Variants in CAMK1 observed in about 807,000 individuals in gnomAD.
The protein encoded by CAMK1 is calcium/calmodulin dependent protein kinase I, also known as calcium/calmodulin-dependent protein kinase type 1.
Under a neutral mutation model 49.1 loss-of-function variants are expected in CAMK1, and 39 were observed. The ratio of observed to expected loss-of-function variants is 0.79; its 90% CI spans 0.62 to 1.04. The LOEUF (loss-of-function observed/expected upper bound fraction) is 1.04. Ranked by LOEUF, CAMK1 falls within the 50% of genes least tolerant of loss-of-function variation. CAMK1 has a pLI of 0.00. For synonymous variants in CAMK1, 192 were observed against 185.2 expected (o/e 1.04, Z -0.30); for missense variants, 457 against 472.2 (o/e 0.97, Z 0.30).
chr3:9,763,416 A>C lies in CAMK1; in HGVS notation c.216-203T>G, dbSNP rs916658115. 335 of 199,686 alleles carry C rather than the reference A, an allele frequency of 1.7e-3. 1 individual carries two copies. Among genetic ancestry groups the C allele is most frequent in the Non-Finnish European group, 2.6e-3 (288 of 111,714 alleles). 12.4% of individuals were successfully genotyped at this position (199,686 alleles called of 1,614,324 possible). ...AAGACCCTGTCTCAAAAAAAAAAAA[A>C]AAAAAACAGCGGTTTAGAGCTCAGG... On this transcript the variant is annotated intron_variant, in intron 3 of 11. Coordinates refer to ENST00000256460, the MANE Select transcript of CAMK1 (RefSeq NM_003656.5).
Position 9,757,934 on chromosome 3 carries a change from A to G in CAMK1, c.913-88T>C. The G allele has an allele frequency of 6.6e-7, 1 of 1,514,014 alleles. No homozygotes were observed. The highest frequency in any genetic ancestry group is 2.3e-5 in the East Asian group (1 of 43,834). 93.8% of individuals were successfully genotyped at this position (1,514,014 alleles called of 1,614,324 possible). The stretch of plus-strand genomic sequence containing the variant: ...GCAGGGGCGCAGTGGGATTCTTGCA[A>G]TTGTTCTGTTATTTTCATTCAGGAG... On this transcript the variant is annotated intron_variant, in intron 10 of 11. Coordinates refer to ENST00000256460, the MANE Select transcript of CAMK1 (RefSeq NM_003656.5). This position sits in a 1 kb window ranked among gnomAD's most constrained non-coding sequence, Gnocchi z 4.5.
intron 7 of CAMK1, chr3:9,761,192 G>C (rs1211731419): frequency 7.2e-6 from 3 of 417,854 alleles, no homozygotes; most frequent in Non-Finnish European, 1.3e-5. Context: ...CTTGTTGATT[G>C]TCTGTCTTCC....
Position 9,759,585 on chromosome 3 carries a change from G to T in CAMK1, c.825-10C>A, listed in dbSNP as rs774836718. ...TGTATCTCCTGCAATCCTAGGATGGGGTTATGTGGTGGGTTGCCTATGAGG... is the reference window on the plus strand; with the variant it reads ...TGTATCTCCTGCAATCCTAGGATGGTGTTATGTGGTGGGTTGCCTATGAGG... On this transcript the variant is annotated splice_polypyrimidine_tract_variant and intron_variant, in intron 9 of 11. Transcript: ENST00000256460. The T allele has an allele frequency of 1.2e-6, 2 of 1,614,174 alleles. No homozygotes were observed. The highest frequency in any genetic ancestry group is 4.5e-5 in the East Asian group (2 of 44,884).
chr3:9,767,694 A>T lies in CAMK1; in HGVS notation c.56T>A (p.Ile19Asn), dbSNP rs1051580403. ...RWKQAEDIRDIYDFRDVLGTG... is the reference protein window; with the variant it reads ...RWKQAEDIRDNYDFRDVLGTG... ...GCCCAGAACATCTCGGAAGTCGTAG[A>T]TGTCTCTAATGTCCTCCGCCTGCTT... is the stretch of plus-strand genomic sequence containing the variant. The change falls in exon 2 of 12, where the codon ATC becomes AAC. Residue 19 changes from isoleucine to asparagine, a missense_variant. Coordinates refer to ENST00000256460, the MANE Select transcript of CAMK1 (RefSeq NM_003656.5). 3.7e-6 allele frequency: 6 copies of T among 1,613,946 alleles called. No homozygotes were observed. The Admixed American group carries it at 8.3e-5, about 22-fold the overall frequency.
At position 9,766,308 on chromosome 3, in the gene CAMK1, A is replaced by G. The variant is rs145709982; in HGVS notation, c.84-418T>C. ...ATTATGTGGCCCTCTGGATCCAGCC[A>G]TGCCTGAGGTCTACCCCTGGGCTTT... On this transcript the variant is annotated intron_variant, in intron 2 of 11. Coordinates refer to ENST00000256460, the MANE Select transcript of CAMK1 (RefSeq NM_003656.5). The G allele has an allele frequency of 3.2e-4, 224 of 697,508 alleles. No individual in the cohort carries two copies. In the African/African-American group the frequency reaches 3.5e-3, roughly 11 times the overall value. The allele number at this position is 697,508 out of a possible 1,614,324, so 43.2% of individuals were successfully genotyped here. A position where few individuals can be genotyped will look rare whatever the true frequency, so the allele number is the denominator to read the frequency against.
intron 8 of CAMK1, 56 bp from the exon 9 acceptor site, chr3:9,759,806 C>A: frequency 6.2e-7 from 1 of 1,613,582 alleles, no homozygotes; most frequent in Non-Finnish European, 8.5e-7. Flanking sequence ...CCTGTGTACT[C>A]CCCAAGAGCA....
chr3:9,760,729 G>C lies in CAMK1; in HGVS notation c.672C>G (p.Ala224=), dbSNP rs2077820088. ...CCTTCAAAATCTGTTCAAAGAGTTTGGCATCATTCTCGTCATAGAAGGGAG... is the reference window on the plus strand; with the variant it reads ...CCTTCAAAATCTGTTCAAAGAGTTTCGCATCATTCTCGTCATAGAAGGGAG... ...GYPPFYDEND[A]KLFEQILKAE... The change falls in exon 8 of 12, where the codon GCC becomes GCG. Residue 224 remains alanine (A), a synonymous_variant. Transcript: ENST00000256460. 5 of 1,614,026 alleles carry C rather than the reference G, an allele frequency of 3.1e-6. No homozygotes were observed. In the East Asian group the frequency reaches 1.1e-4, roughly 36 times the overall value.
chr3:9,757,763 C>A lies in CAMK1; in HGVS notation c.996G>T (p.Ala332=), dbSNP rs141116659. 29 of 1,614,022 alleles carry A rather than the reference C, an allele frequency of 1.8e-5. No individual in the cohort carries two copies. Among genetic ancestry groups the A allele is most frequent in the Non-Finnish European group, 2.5e-5 (29 of 1,180,006 alleles). The change falls in exon 11 of 12, where the codon GCG becomes GCT. Residue 332 remains alanine (A), a synonymous_variant. Transcript: ENST00000256460. The surrounding 1 kb of genome is among the most constrained non-coding windows in gnomAD (Gnocchi z 4.5). The part of the protein sequence containing the change: ...GTSQEGQGQT[A]SHGELLTPVA... ...CTGGTGTCAGCAGCTCCCCATGGCT[C>A]GCCGTCTGCCCCTGCCCCTCCTGGC...
At chr3:9,760,609 A>C in intron 8 of CAMK1, 47 bp downstream of exon 8, 2 of 1,599,200 alleles carry the variant, frequency 1.3e-6, no homozygotes, top group Non-Finnish European at 1.7e-6. Context: ...CAGGTGAGGG[A>C]GGAACCAGAG....
At chr3:9,759,101 G>C in intron 10 of CAMK1, 2 of 1,128,780 alleles carry the variant, frequency 1.8e-6, no homozygotes, top group Non-Finnish European at 2.7e-6. Flanking sequence ...AGCCCCTCCA[G>C]TCTGGCCAGG....
intron 1 of CAMK1, 60 bp from the exon 2 acceptor site, chr3:9,767,841 C>G: frequency 6.4e-7 from 1 of 1,554,628 alleles, no homozygotes; most frequent in Non-Finnish European, 8.7e-7. Flanking sequence ...TGGGAATTTA[C>G]TGCAGGCCCC....
In CAMK1 at chr3:9,763,136, C is replaced by T. The variant is rs747803654; in HGVS notation, c.290+3G>A. The stretch of plus-strand genomic sequence containing the variant: ...GGGGCAGGGCAGAGGTTGGGCCACT[C>T]ACAGCTGCATGATGAGGTAGAGGTG... On this transcript the variant is annotated splice_donor_region_variant and intron_variant, in intron 4 of 11. Transcript: ENST00000256460. The T allele has an allele frequency of 6.2e-7, 1 of 1,614,112 alleles. No homozygotes were observed. The highest frequency in any genetic ancestry group is 8.5e-7 in the Non-Finnish European group (1 of 1,180,028).
chr3:9,766,518 C>T (rs1660988585), intron 2 of CAMK1: 2 of 421,050 alleles, frequency 4.8e-6, no homozygotes, highest in Non-Finnish European at 8.1e-6. Context: ...AAACTTTAGG[C>T]CCTGCCCCAG....
At position 9,767,750 on chromosome 3, in the gene CAMK1, G is replaced by C. The variant is rs1488542944; in HGVS notation, c.-1C>G. The C allele has an allele frequency of 6.2e-7, 1 of 1,613,834 alleles. No individual in the cohort carries two copies. Among genetic ancestry groups the C allele is most frequent in the Non-Finnish European group, 8.5e-7 (1 of 1,179,982 alleles). ...TGGGGCCTTCCACTGCCCCCAGCAT[G>C]GCCCACTGCCCCCCGACCACAGCCA... On this transcript the variant is annotated 5_prime_UTR_variant, in exon 2 of 12. Coordinates refer to ENST00000256460, the MANE Select transcript of CAMK1 (RefSeq NM_003656.5).
intron 5 of CAMK1, among the ~76,000 whole-genome samples, chr3:9,762,485 G>A (rs1410990883): frequency 3.9e-5 from 6 of 151,960 alleles, no homozygotes; most frequent in Admixed American, 1.3e-4. Flanking sequence ...CAAGTGATTC[G>A]CCTGCCTCAG....
intron 2 of CAMK1, 27 bp downstream of exon 2, chr3:9,767,640 C>T (rs754919709): frequency 1.4e-5 from 22 of 1,613,390 alleles, no homozygotes; most frequent in Admixed American, 3.3e-5. Flanking sequence ...CTCAGCCATC[C>T]AGCACCCAAT....
rs59370914 is a variant in CAMK1, at chr3:9,768,904, G to A, written c.-33+928C>T. 4.3e-3 allele frequency among the ~76,000 whole-genome samples: 649 copies of A among 152,168 alleles called. 4 individuals are homozygous for A. Among genetic ancestry groups the A allele is most frequent in the African/African-American group, 0.015 (624 of 41,498 alleles). On this transcript the variant is annotated intron_variant, in intron 1 of 11. Coordinates refer to ENST00000256460, the MANE Select transcript of CAMK1 (RefSeq NM_003656.5). The stretch of plus-strand genomic sequence containing the variant: ...GAATCTTCTAGGAAAGGAGACTCGA[G>A]TGTAAGCTCTAGAGGCAGAGTCTGA...
intron 10 of CAMK1, chr3:9,759,231 T>C (rs1271947578): frequency 6.8e-6 from 11 of 1,614,196 alleles, no homozygotes; most frequent in Non-Finnish European, 9.3e-6. Flanking sequence ...TCGGACCCCA[T>C]AGGCTGGATC....
At chr3:9,765,204 G>A (rs1373856969) in intron 3 of CAMK1, among the ~76,000 whole-genome samples, 1 of 151,016 alleles carries the variant, frequency 6.6e-6, no homozygotes, top group East Asian at 2.0e-4. Context: ...TCCAGCCGGG[G>A]CAACAGAGTG....
Sources: gnomAD v4.1 joint callset for allele counts (sites outside exome capture counted in the v4.1 genomes callset) on GRCh38, gnomAD v4.1.1 for gene constraint, Gnocchi (gnomAD v3.1) non-coding constraint, MANE v1.5 for transcripts, NCBI Gene and HGNC (gene_info 2026-07-23, HGNC 2026-07-21) for gene names.